Variants in RARA observed in about 807,000 individuals in gnomAD.
The protein encoded by RARA is retinoic acid receptor alpha.
In RARA, 5 loss-of-function variants were observed where a neutral mutation model predicts 42.8. That is an observed-to-expected ratio of 0.12 (90% CI 0.06 to 0.25). The LOEUF is 0.25. Ranked by LOEUF, RARA falls within the 10% of genes least tolerant of loss-of-function variation. The pLI is 1.00. For synonymous variants in RARA, 256 were observed against 259.5 expected, an observed-to-expected ratio of 0.99 and a Z score of 0.13; for missense variants, 402 against 628.7, an observed-to-expected ratio of 0.64 and a Z score of 3.86.
chr17:40,313,727 A>G (rs1231486094), intron 1 of RARA, among the ~76,000 whole-genome samples: 3 of 151,658 alleles, frequency 2.0e-5, no homozygotes, highest in Non-Finnish European at 4.4e-5. Flanking sequence ...CCCACCCCCA[A>G]CGCACCAAGC....
At chr17:40,318,813 C>T (rs1433089487) in intron 1 of RARA, among the ~76,000 whole-genome samples, 1 of 152,226 alleles carries the variant, frequency 6.6e-6, no homozygotes, top group Admixed American at 6.5e-5. Context: ...AGATCGGATG[C>T]TCAACGGACT....
At position 40,357,000 on chromosome 17, in the gene RARA, C is replaced by T; in HGVS notation, c.*774C>T. ...ACTAACTTTCCAAGGCCTGCCTTCC[C>T]CTCCCTCCCACTGGAGAAGCCGCCA... On this transcript the variant is annotated 3_prime_UTR_variant, in exon 9 of 9. Transcript: ENST00000254066. 1 of 387,346 alleles carries T rather than the reference C, an allele frequency of 2.6e-6. No homozygotes were observed. Among genetic ancestry groups the T allele is most frequent in the Non-Finnish European group, 4.8e-6 (1 of 208,234 alleles). 24.0% of individuals were successfully genotyped at this position (387,346 alleles called of 1,614,324 possible). A position where few individuals can be genotyped will look rare whatever the true frequency, so the allele number is the denominator to read the frequency against.
chr17:40,311,425 C>T (rs535981102), intron 1 of RARA, among the ~76,000 whole-genome samples: 10 of 152,158 alleles, frequency 6.6e-5, no homozygotes, highest in African/African-American at 2.2e-4. Flanking sequence ...GGTTGATATT[C>T]GATGACCTTA....
At chr17:40,350,110 G>C in intron 4 of RARA, 185 bp downstream of exon 4, 1 of 888,350 alleles carries the variant, frequency 1.1e-6, no homozygotes, top group Non-Finnish European at 1.7e-6. Flanking sequence ...AGTCTGGCTG[G>C]CTGTGTGTCC....
chr17:40,347,062 C>T (rs2034290736), intron 2 of RARA, among the ~76,000 whole-genome samples: 1 of 152,226 alleles, frequency 6.6e-6, no homozygotes, highest in African/African-American at 2.4e-5. Context: ...TTCCTCTGTG[C>T]CCCAATTTTA....
chr17:40,315,852 T>C (rs952996469), intron 1 of RARA, among the ~76,000 whole-genome samples: 5 of 152,178 alleles, frequency 3.3e-5, no homozygotes, highest in African/African-American at 9.7e-5. Flanking sequence ...CTATCTCCTG[T>C]GTGCAGGGAA....
chr17:40,333,583 G>A lies in RARA; in HGVS notation c.178+2187G>A, dbSNP rs555037744. On this transcript the variant is annotated intron_variant, in intron 2 of 8. Coordinates refer to ENST00000254066, the MANE Select transcript of RARA (RefSeq NM_000964.4). ...ACTCCTGGCCTCAAGTCATCTGCCC[G>A]CCTCAGCCTCCCAAAGTGTTGGGAT... 1.2e-4 allele frequency among the ~76,000 whole-genome samples: 18 copies of A among 151,474 alleles called. No individual in the cohort carries two copies. In the South Asian group the frequency reaches 2.5e-3, roughly 21 times the overall value.
chr17:40,319,017 G>C (rs1391072025), intron 1 of RARA, among the ~76,000 whole-genome samples: 2 of 152,170 alleles, frequency 1.3e-5, no homozygotes, highest in Non-Finnish European at 2.9e-5. Flanking sequence ...GTGTTCCTGG[G>C]TCTTGTGCCA....
chr17:40,341,460 C>G, intron 2 of RARA: 1 of 1,518,216 alleles, frequency 6.6e-7, no homozygotes, highest in Non-Finnish European at 8.8e-7. Context: ...CAATGTCACA[C>G]CCGGGTGCCA....
intron 2 of RARA, chr17:40,341,876 G>A: frequency 9.8e-7 from 1 of 1,023,724 alleles, no homozygotes; most frequent in Non-Finnish European, 1.3e-6. Context: ...TTGTCCCCTC[G>A]CAGCCCCCTC....
chr17:40,340,945 T>C (rs2034013489), intron 2 of RARA: 1 of 400,292 alleles, frequency 2.5e-6, no homozygotes, highest in East Asian at 3.6e-5. Context: ...ACCTGTTTTA[T>C]TTGTAAAACA....
intron 2 of RARA, among the ~76,000 whole-genome samples, chr17:40,344,624 A>T (rs1434911419): frequency 1.3e-5 from 2 of 152,144 alleles, no homozygotes; most frequent in East Asian, 3.9e-4. Context: ...CCTTCCCCTA[A>T]ACCACTGGAC....
chr17:40,340,999 G>A (rs1469935413), intron 2 of RARA: 2 of 400,246 alleles, frequency 5.0e-6, no homozygotes, highest in African/African-American at 4.1e-5. Flanking sequence ...CATATATAAA[G>A]AGCCAGGCTT....
At chr17:40,338,047 C>T (rs916260684) in intron 2 of RARA, among the ~76,000 whole-genome samples, 2 of 152,224 alleles carry the variant, frequency 1.3e-5, no homozygotes, top group Non-Finnish European at 2.9e-5. Context: ...CCTTTTATCT[C>T]CCAGCAAGGA....
intron 2 of RARA, chr17:40,343,016 A>C: frequency 7.0e-7 from 1 of 1,426,790 alleles, no homozygotes; most frequent in Non-Finnish European, 9.2e-7. Flanking sequence ...TGGACAATTG[A>C]ACCCTCCCGG....
rs1164640621 is a variant in RARA at position 40,326,153 on chromosome 17, C to T, written c.-362-4704C>T. Among the ~76,000 whole-genome samples, 2 of 152,194 alleles carry T rather than the reference C, an allele frequency of 1.3e-5. No individual in the cohort carries two copies. Among genetic ancestry groups the T allele is most frequent in the African/African-American group, 4.8e-5 (2 of 41,446 alleles). The stretch of plus-strand genomic sequence containing the variant: ...CCTGGCCCCGTCAACAGATGTTGCC[C>T]TGGGTGGGGTGAGGCAAGGGAAAGC... On this transcript the variant is annotated intron_variant, in intron 1 of 8. Coordinates refer to ENST00000254066, the MANE Select transcript of RARA (RefSeq NM_000964.4). This position sits in a 1 kb window ranked among gnomAD's most constrained non-coding sequence, Gnocchi z 5.2.
intron 1 of RARA, among the ~76,000 whole-genome samples, chr17:40,311,270 C>T (rs2033090850): frequency 1.3e-5 from 2 of 152,066 alleles, no homozygotes; most frequent in Non-Finnish European, 2.9e-5. Flanking sequence ...CTGGCACTGC[C>T]CCGGCCTCCC....
chr17:40,343,036 C>T (rs926755905), intron 2 of RARA: 2 of 1,340,738 alleles, frequency 1.5e-6, no homozygotes, highest in Non-Finnish European at 1.9e-6. Flanking sequence ...GCCGCACCCT[C>T]CCCCCAGTAA....
At position 40,326,619 on chromosome 17, in the gene RARA, T is replaced by A. The variant is rs990954977; in HGVS notation, c.-362-4238T>A. 6.6e-6 allele frequency: 1 copy of A among 152,434 alleles called. No individual in the cohort carries two copies. The highest frequency in any genetic ancestry group is 1.9e-4 in the East Asian group (1 of 5,180). The allele number at this position is 152,434 out of a possible 1,614,324, so 9.4% of individuals were successfully genotyped here. On this transcript the variant is annotated intron_variant, in intron 1 of 8. Coordinates refer to ENST00000254066, the MANE Select transcript of RARA (RefSeq NM_000964.4). This position sits in a 1 kb window ranked among gnomAD's most constrained non-coding sequence, Gnocchi z 5.2. ...GGTGCTCTAGCCCCCTACCCCTTTTTCTGCTGTGCTTAGGCTAGGCTCCAT... is the reference window on the plus strand; with the variant it reads ...GGTGCTCTAGCCCCCTACCCCTTTTACTGCTGTGCTTAGGCTAGGCTCCAT...
Sources: gnomAD v4.1 joint callset for allele counts (sites outside exome capture counted in the v4.1 genomes callset) on GRCh38, gnomAD v4.1.1 for gene constraint, Gnocchi (gnomAD v3.1) non-coding constraint, MANE v1.5 for transcripts, NCBI Gene and HGNC (gene_info 2026-07-23, HGNC 2026-07-21) for gene names.